ZNF407: variants seen among roughly 807,000 people sequenced by gnomAD.
ZNF407 encodes zinc finger protein 407.
In ZNF407, 17 loss-of-function variants were observed where a neutral mutation model predicts 131.2. The observed-to-expected ratio is 0.13, with a 90% CI of 0.09 to 0.19. The LOEUF is 0.19. ZNF407 is among the 10% of genes least tolerant of loss of function. ZNF407 has a pLI of 1.00. For missense variants in ZNF407, 2,681 were observed against 2,830.6 expected (o/e 0.95, Z 1.20); for synonymous variants, 1,156 against 1,062.0 (o/e 1.09, Z -1.72).
At chr18:74,822,312 T>G (rs1235282185) in intron 4 of ZNF407, among the ~76,000 whole-genome samples, 1 of 152,210 alleles carries the variant, frequency 6.6e-6, no homozygotes, top group Non-Finnish European at 1.5e-5. Context: ...GCCATTGCTT[T>G]TGGTGTTTTA....
At chr18:74,884,073 G>A (rs529396765) in intron 6 of ZNF407, among the ~76,000 whole-genome samples, 13 of 152,234 alleles carry the variant, frequency 8.5e-5, no homozygotes, top group African/African-American at 3.1e-4. Context: ...CAGCACTTTT[G>A]CCAATATGCA....
intron 8 of ZNF407, among the ~76,000 whole-genome samples, chr18:75,016,071 G>T (rs962251654): frequency 1.3e-5 from 2 of 152,024 alleles, no homozygotes; most frequent in African/African-American, 4.8e-5. Context: ...CCATCATAAT[G>T]TTATAATTAC....
At chr18:74,792,300 G>A (rs1474084476) in intron 4 of ZNF407, among the ~76,000 whole-genome samples, 1 of 151,772 alleles carries the variant, frequency 6.6e-6, no homozygotes, top group Non-Finnish European at 1.5e-5. Flanking sequence ...AGCAGATTCA[G>A]CAGAACATGT....
At chr18:74,866,556 G>A (rs1028201480) in intron 4 of ZNF407, among the ~76,000 whole-genome samples, 1 of 152,016 alleles carries the variant, frequency 6.6e-6, no homozygotes, top group Non-Finnish European at 1.5e-5. Flanking sequence ...TTGAAATTAT[G>A]TATCCATAAT....
intron 6 of ZNF407, among the ~76,000 whole-genome samples, chr18:74,884,338 G>A (rs79634551): frequency 0.02 from 3,057 of 152,198 alleles, 87 homozygotes; most frequent in African/African-American, 0.066. Flanking sequence ...ACCCATAAAA[G>A]AGAAGAAGAA....
At chr18:74,844,797 A>C (rs1298375511) in intron 4 of ZNF407, among the ~76,000 whole-genome samples, 1 of 152,196 alleles carries the variant, frequency 6.6e-6, no homozygotes, top group African/African-American at 2.4e-5. Flanking sequence ...TGGGGCCCAG[A>C]GGGAGTGCCA....
chr18:74,632,749 A>C lies in ZNF407; in HGVS notation c.1730A>C (p.His577Pro). The change falls in exon 2 of 9, where the codon CAC becomes CCC. Residue 577 changes from histidine (H) to proline (P), a missense_variant. Coordinates refer to ENST00000299687, the MANE Select transcript of ZNF407 (RefSeq NM_017757.3). Reference protein sequence around the residue: ...MSRRDLDEHLHSNQHQQTASV... With the variant: ...MSRRDLDEHLPSNQHQQTASV... ...AGAAGGGACTTAGATGAACATTTGC[A>C]CAGTAACCAGCATCAGCAAACTGCT... The C allele has an allele frequency of 6.2e-7, 1 of 1,614,046 alleles. No homozygotes were observed.
In ZNF407 at chr18:74,635,828, G is replaced by A; in HGVS notation, c.4687+122G>A. On this transcript the variant is annotated intron_variant, in intron 2 of 8. Coordinates refer to ENST00000299687, the MANE Select transcript of ZNF407 (RefSeq NM_017757.3). This position sits in a 1 kb window ranked among gnomAD's most constrained non-coding sequence, Gnocchi z 4.7. ...CACCCGGTTCACATTTCACTGCCGTGTGCTGCTCTGCTTGTCTGCAATAAG... is the reference window on the plus strand; with the variant it reads ...CACCCGGTTCACATTTCACTGCCGTATGCTGCTCTGCTTGTCTGCAATAAG... The A allele has an allele frequency of 7.6e-7, 1 of 1,319,380 alleles. No homozygotes were observed. Among genetic ancestry groups the A allele is most frequent in the South Asian group, 1.6e-5 (1 of 62,258 alleles). The allele number at this position is 1,319,380 out of a possible 1,614,324, so 81.7% of individuals were successfully genotyped here. A position where few individuals can be genotyped will look rare whatever the true frequency, so the allele number is the denominator to read the frequency against.
intron 8 of ZNF407, among the ~76,000 whole-genome samples, chr18:74,976,812 T>G (rs1274667226): frequency 6.6e-6 from 1 of 152,228 alleles, no homozygotes; most frequent in Non-Finnish European, 1.5e-5. Flanking sequence ...CTGTCACATG[T>G]TCGTGTCATG....
intron 3 of ZNF407, among the ~76,000 whole-genome samples, chr18:74,702,404 G>A (rs1198674273): frequency 6.6e-6 from 1 of 151,998 alleles, no homozygotes; most frequent in Non-Finnish European, 1.5e-5. Context: ...CATTTATAAA[G>A]TGAGATAAAT....
At chr18:74,975,855 A>G (rs192148668) in intron 8 of ZNF407, among the ~76,000 whole-genome samples, 39 of 152,330 alleles carry the variant, frequency 2.6e-4, no homozygotes, top group African/African-American at 7.5e-4. Flanking sequence ...GAAGTCCTTG[A>G]TAAGATTTCC....
intron 3 of ZNF407, among the ~76,000 whole-genome samples, chr18:74,722,983 C>T (rs981016748): frequency 1.3e-4 from 20 of 151,944 alleles, no homozygotes; most frequent in African/African-American, 4.6e-4. Flanking sequence ...CTTAGGTACC[C>T]GAGCTTCTCT....
In ZNF407 at chr18:74,633,863, A is replaced by G; in HGVS notation, c.2844A>G (p.Lys948=). ...CCATGTCAGATGAACATGCTAACAA[A>G]CCAGCTGAGTCACCCACCTCCGTTT... is the stretch of plus-strand genomic sequence containing the variant. ...AVTMSDEHAN[K]PAESPTSVLE... is the part of the protein sequence containing the mutation. The change falls in exon 2 of 9, where the codon AAA becomes AAG. Residue 948 remains lysine (K), a synonymous_variant. Transcript: ENST00000299687. 1 of 1,614,024 alleles carries G rather than the reference A, an allele frequency of 6.2e-7. No homozygotes were observed. The highest frequency in any genetic ancestry group is 8.5e-7 in the Non-Finnish European group (1 of 1,179,900).
At chr18:74,677,176 C>T (rs999221814) in intron 3 of ZNF407, among the ~76,000 whole-genome samples, 7 of 152,188 alleles carry the variant, frequency 4.6e-5, no homozygotes, top group Admixed American at 6.5e-5. Flanking sequence ...CTGCATCCTC[C>T]GCCTCCTGGG....
intron 3 of ZNF407, among the ~76,000 whole-genome samples, chr18:74,687,272 T>G (rs1297967586): frequency 1.3e-5 from 2 of 152,126 alleles, no homozygotes; most frequent in African/African-American, 4.8e-5. Flanking sequence ...CACTTGAACC[T>G]AGTATTTCGA....
At chr18:74,890,895 G>A (rs1429255881) in intron 7 of ZNF407, among the ~76,000 whole-genome samples, 4 of 152,190 alleles carry the variant, frequency 2.6e-5, no homozygotes, top group African/African-American at 9.7e-5. Flanking sequence ...GAAAGGATGA[G>A]GAGGGGATGA....
At chr18:74,826,700 G>A (rs1400197853) in intron 4 of ZNF407, among the ~76,000 whole-genome samples, 1 of 152,150 alleles carries the variant, frequency 6.6e-6, no homozygotes, top group African/African-American at 2.4e-5. Flanking sequence ...AACTCCCCAA[G>A]CAGAGCGGGA....
intron 7 of ZNF407, among the ~76,000 whole-genome samples, chr18:74,907,691 A>G (rs776970453): frequency 9.2e-5 from 14 of 152,130 alleles, no homozygotes; most frequent in Non-Finnish European, 1.9e-4. Context: ...TTCTCTCTTC[A>G]TGGACATTTA....
intron 4 of ZNF407, among the ~76,000 whole-genome samples, chr18:74,857,559 C>T (rs1359519834): frequency 6.6e-6 from 1 of 151,556 alleles, no homozygotes; most frequent in Non-Finnish European, 1.5e-5. Flanking sequence ...AAATGGATAA[C>T]ACATTCTAAA....
Sources: allele counts gnomAD v4.1 joint callset (sites outside exome capture counted in the v4.1 genomes callset), GRCh38; gene constraint gnomAD v4.1.1; non-coding constraint Gnocchi (gnomAD v3.1); transcripts MANE v1.5; gene names NCBI Gene and HGNC (gene_info 2026-07-23, HGNC 2026-07-21).